The following KRABD5 variants were observed in gnomAD, a reference collection of about 807,000 sequenced individuals.
KRABD5 encodes the protein KRAB domain containing 5.
chr16:31,742,193 C>CAAAA, the KRABD5 span, among the ~76,000 whole-genome samples: 3 of 145,936 alleles, frequency 2.1e-5, no homozygotes, highest in Non-Finnish European at 1.5e-5. Flanking sequence ...TTTATTTCCT[C>CAAAA]AAAAAAAAAA....
At chr16:31,746,185 C>A in the KRABD5 span, among the ~76,000 whole-genome samples, 1 of 152,048 alleles carries the variant, frequency 6.6e-6, no homozygotes, top group African/African-American at 2.4e-5. Context: ...GTTTTGTGCA[C>A]TAGTTGATGT....
At chr16:31,714,259 G>T in the KRABD5 span, 3 of 413,658 alleles carry the variant, frequency 7.3e-6, no homozygotes, top group East Asian at 2.1e-4. Context: ...CTCGAAAGAG[G>T]TATTTTGGCC....
the KRABD5 span, among the ~76,000 whole-genome samples, chr16:31,730,433 T>A: frequency 6.6e-6 from 1 of 152,154 alleles, no homozygotes; most frequent in Non-Finnish European, 1.5e-5. Flanking sequence ...CATTATAAAG[T>A]TTCCCTTGTA....
the KRABD5 span, among the ~76,000 whole-genome samples, chr16:31,749,436 C>G: frequency 7.2e-5 from 11 of 152,242 alleles, no homozygotes; most frequent in African/African-American, 2.7e-4. Flanking sequence ...CCAAGGAGCT[C>G]AAATGGCTTA....
the KRABD5 span, among the ~76,000 whole-genome samples, chr16:31,732,061 C>CAGG: frequency 8.9e-4 from 135 of 152,292 alleles, no homozygotes; most frequent in African/African-American, 3.2e-3. Context: ...TTTTGAGTGG[C>CAGG]AGGACCAAGA....
the KRABD5 span, among the ~76,000 whole-genome samples, chr16:31,720,668 C>T: frequency 2.2e-4 from 33 of 152,300 alleles, no homozygotes; most frequent in African/African-American, 7.2e-4. Context: ...GATACCAATT[C>T]GTCTCATTAC....
chr16:31,714,753 T>C, the KRABD5 span, among the ~76,000 whole-genome samples: 4 of 152,150 alleles, frequency 2.6e-5, no homozygotes, highest in Non-Finnish European at 5.9e-5. Flanking sequence ...CCTTTGTTAC[T>C]GGGAGAAGCT....
chr16:31,761,482 C>T, the KRABD5 span: 11 of 152,160 alleles, frequency 7.2e-5, no homozygotes, highest in African/African-American at 1.4e-4. Context: ...TTTGTATTTT[C>T]GTATTCTATT....
At chr16:31,716,688 C>T in the KRABD5 span, among the ~76,000 whole-genome samples, 1 of 151,856 alleles carries the variant, frequency 6.6e-6, no homozygotes, top group African/African-American at 2.4e-5. Context: ...CCCACAAACC[C>T]CTTTTTATGT....
the KRABD5 span, chr16:31,757,562 A>G: frequency 2.0e-5 from 3 of 152,212 alleles, no homozygotes; most frequent in South Asian, 2.1e-4. Context: ...GAAAAACAGT[A>G]TTTTGATTGA....
At chr16:31,722,743 G>T in the KRABD5 span, 1 of 1,602,156 alleles carries the variant, frequency 6.2e-7, no homozygotes, top group East Asian at 2.3e-5. Context: ...CGGAAACCTG[G>T]TCTCTCTGGG....
At chr16:31,738,484 G>A in the KRABD5 span, among the ~76,000 whole-genome samples, 20 of 152,070 alleles carry the variant, frequency 1.3e-4, no homozygotes, top group Non-Finnish European at 7.4e-5. Context: ...ATGTTTTGAT[G>A]TAACATGTAT....
At chr16:31,717,527 A>G in the KRABD5 span, among the ~76,000 whole-genome samples, 3 of 152,204 alleles carry the variant, frequency 2.0e-5, no homozygotes, top group Non-Finnish European at 2.9e-5. Flanking sequence ...CCCAATTCCC[A>G]GGTGAATTTA....
the KRABD5 span, chr16:31,760,551 G>A: frequency 2.3e-4 from 32 of 139,550 alleles, 1 homozygote; most frequent in East Asian, 4.7e-3. Flanking sequence ...CATTAGCTGT[G>A]TGTGATTTCC....
chr16:31,757,853 GATA>G, the KRABD5 span: 118 of 121,046 alleles, frequency 9.7e-4, no homozygotes, highest in African/African-American at 2.9e-3. Context: ...TAGGTAGGTA[GATA>G]GATAGATAGA....
chr16:31,759,170 C>T, the KRABD5 span: 12 of 525,014 alleles, frequency 2.3e-5, no homozygotes, highest in South Asian at 2.5e-4. Flanking sequence ...TCATAATAGC[C>T]CAAAACAGGA....
At chr16:31,716,551 A>AT in the KRABD5 span, among the ~76,000 whole-genome samples, 1 of 152,108 alleles carries the variant, frequency 6.6e-6, no homozygotes, top group Non-Finnish European at 1.5e-5. Context: ...AATTTTTGCA[A>AT]TTTTTGTAGA....
the KRABD5 span, among the ~76,000 whole-genome samples, chr16:31,742,174 T>C: frequency 8.1e-6 from 1 of 123,096 alleles, no homozygotes; most frequent in East Asian, 2.3e-4. Flanking sequence ...AAAAAATTTT[T>C]TGTTTTTCTT....
At chr16:31,726,765 A>G in the KRABD5 span, among the ~76,000 whole-genome samples, 1 of 152,098 alleles carries the variant, frequency 6.6e-6, no homozygotes, top group African/African-American at 2.4e-5. Context: ...CTCAAAAAAT[A>G]TATATAAAAT....
Sources: gnomAD v4.1 joint callset for allele counts (sites outside exome capture counted in the v4.1 genomes callset) on GRCh38, gnomAD v4.1.1 for gene constraint, MANE v1.5 for transcripts, NCBI Gene and HGNC (gene_info 2026-07-23, HGNC 2026-07-21) for gene names.